Variants in SORCS3 observed in about 807,000 individuals in gnomAD.
The protein encoded by SORCS3 is sortilin related VPS10 domain containing receptor 3.
SORCS3 carries 57 observed loss-of-function variants against 146.3 expected under a neutral mutation model. That is an observed-to-expected ratio of 0.39 (90% CI 0.31 to 0.49). SORCS3 has a LOEUF of 0.49. Among genes scored for constraint, SORCS3 ranks in the 20% least tolerant of loss-of-function variants. The pLI, the probability that SORCS3 is intolerant of heterozygous loss-of-function variation, is 0.92. For synonymous variants in SORCS3, 653 were observed against 618.5 expected (o/e 1.06, Z -0.83); for missense variants, 1,341 against 1,575.5 (o/e 0.85, Z 2.52).
intron 3 of SORCS3, among the ~76,000 whole-genome samples, chr10:104,930,530 A>G (rs753422326): frequency 1.3e-5 from 2 of 152,190 alleles, no homozygotes; most frequent in Non-Finnish European, 2.9e-5. Flanking sequence ...CTGCCGAGAG[A>G]AGAAGTCACG....
At chr10:104,856,076 A>G (rs1274644030) in intron 2 of SORCS3, among the ~76,000 whole-genome samples, 1 of 152,134 alleles carries the variant, frequency 6.6e-6, no homozygotes, top group Non-Finnish European at 1.5e-5. Context: ...GCACGGTGCT[A>G]GGCGTTTTCT....
chr10:104,817,637 C>T lies in SORCS3; in HGVS notation c.628-25155C>T, dbSNP rs187055486. Among the ~76,000 whole-genome samples the T allele has an allele frequency of 5.6e-3, 341 of 61,166 alleles. 7 individuals are homozygous for T. The highest frequency in any genetic ancestry group is 0.016 in the African/African-American group (210 of 13,370). 40.1% of individuals were successfully genotyped at this position (61,166 alleles called of 152,430 possible). On this transcript the variant is annotated intron_variant, in intron 1 of 26. Coordinates refer to ENST00000369701, the MANE Select transcript of SORCS3 (RefSeq NM_014978.3). ...TTCCTCCTCTCCCTCCTTTTCTCCC[C>T]TCCACCTCCTCCTTCTCTCCCCTCC...
intron 1 of SORCS3, among the ~76,000 whole-genome samples, chr10:104,751,829 A>G (rs568527806): frequency 2.0e-5 from 3 of 149,624 alleles, no homozygotes; most frequent in Non-Finnish European, 4.5e-5. Context: ...CTCTCCCACA[A>G]TGACCTTGTA....
At chr10:104,751,886 T>C (rs2016987741) in intron 1 of SORCS3, among the ~76,000 whole-genome samples, 1 of 135,530 alleles carries the variant, frequency 7.4e-6, no homozygotes, top group African/African-American at 2.7e-5. Flanking sequence ...ATTAAGTTCT[T>C]ATATGCTCAC....
chr10:104,892,771 A>T (rs187701945), intron 2 of SORCS3, among the ~76,000 whole-genome samples: 212 of 152,258 alleles, frequency 1.4e-3, no homozygotes, highest in Middle Eastern at 0.014. Flanking sequence ...CAAGGTACTT[A>T]ATACATGTGA....
chr10:104,929,903 G>A (rs1349215130), intron 3 of SORCS3, among the ~76,000 whole-genome samples: 1 of 152,136 alleles, frequency 6.6e-6, no homozygotes, highest in African/African-American at 2.4e-5. Flanking sequence ...ATAGCCACAA[G>A]CATCAAGAAC....
intron 1 of SORCS3, among the ~76,000 whole-genome samples, chr10:104,803,268 T>G (rs1200353658): frequency 6.6e-6 from 1 of 152,092 alleles, no homozygotes; most frequent in Non-Finnish European, 1.5e-5. Flanking sequence ...TTGGTAGAAG[T>G]GGTTCTGTTT....
intron 1 of SORCS3, among the ~76,000 whole-genome samples, chr10:104,761,756 T>C (rs1564677622): frequency 6.6e-6 from 1 of 152,100 alleles, no homozygotes; most frequent in Non-Finnish European, 1.5e-5. Flanking sequence ...GGGGGCTGGA[T>C]GGACTGGTCT....
At chr10:105,260,783 G>C (rs2056956128) in intron 25 of SORCS3, among the ~76,000 whole-genome samples, 2 of 152,144 alleles carry the variant, frequency 1.3e-5, no homozygotes, top group Admixed American at 1.3e-4. Context: ...AGAGTTGCAT[G>C]GGATGTCCTG....
intron 1 of SORCS3, among the ~76,000 whole-genome samples, chr10:104,650,454 G>A (rs563371062): frequency 1.3e-5 from 2 of 152,156 alleles, no homozygotes; most frequent in Admixed American, 6.5e-5. Flanking sequence ...TCAATCCTGG[G>A]GGGGGCTGAT....
In SORCS3 at chr10:104,657,187, G is replaced by C. The variant is rs75860344; in HGVS notation, c.627+15233G>C. Reference sequence around the variant, plus strand: ...TCAGGAGGAGGATGAGAGACAACTAGTACATAGCCATTCCCAGCCAAGCCC... The same window carrying C: ...TCAGGAGGAGGATGAGAGACAACTACTACATAGCCATTCCCAGCCAAGCCC... On this transcript the variant is annotated intron_variant, in intron 1 of 26. Coordinates refer to ENST00000369701, the MANE Select transcript of SORCS3 (RefSeq NM_014978.3). 4.9e-3 allele frequency among the ~76,000 whole-genome samples: 739 copies of C among 152,230 alleles called. 5 individuals are homozygous for C. The highest frequency in any genetic ancestry group is 0.017 in the African/African-American group (711 of 41,518).
chr10:104,839,305 C>T (rs868579461), intron 1 of SORCS3, among the ~76,000 whole-genome samples: 26 of 152,184 alleles, frequency 1.7e-4, no homozygotes, highest in South Asian at 4.2e-4. Flanking sequence ...CAGGAGAGAA[C>T]ATTTTTGATG....
chr10:105,003,657 G>T (rs757958218), intron 4 of SORCS3, among the ~76,000 whole-genome samples: 1 of 152,130 alleles, frequency 6.6e-6, no homozygotes, highest in African/African-American at 2.4e-5. Flanking sequence ...TTCATTAATT[G>T]TGCTTTTCCA....
intron 1 of SORCS3, among the ~76,000 whole-genome samples, chr10:104,779,419 A>C (rs540535167): frequency 3.3e-5 from 5 of 152,346 alleles, no homozygotes; most frequent in African/African-American, 1.2e-4. Flanking sequence ...ATGAGAGGAC[A>C]CGTACACACA....
At chr10:105,008,844 A>G (rs2055113887) in intron 4 of SORCS3, among the ~76,000 whole-genome samples, 1 of 152,102 alleles carries the variant, frequency 6.6e-6, no homozygotes, top group Non-Finnish European at 1.5e-5. Context: ...ACAGGGTTTC[A>G]CCATGTTTCC....
chr10:104,862,153 T>C (rs759771305), intron 2 of SORCS3, among the ~76,000 whole-genome samples: 9 of 152,290 alleles, frequency 5.9e-5, no homozygotes, highest in East Asian at 5.8e-4. Context: ...AGTCATAACA[T>C]TGGGGAAGTG....
chr10:104,927,742 G>A (rs1204454116), intron 3 of SORCS3, among the ~76,000 whole-genome samples: 2 of 152,112 alleles, frequency 1.3e-5, no homozygotes, highest in African/African-American at 4.8e-5. Context: ...GCCAGGCGTG[G>A]TGGCGGGTGT....
chr10:104,986,527 TGGCGCA>T, intron 4 of SORCS3, among the ~76,000 whole-genome samples: 1 of 152,356 alleles, frequency 6.6e-6, no homozygotes, highest in East Asian at 1.9e-4. Context: ...TGTGGCTGTT[TGGCGCA>T]AGAGACTTCA....
intron 1 of SORCS3, among the ~76,000 whole-genome samples, chr10:104,673,504 C>A (rs1226378988): frequency 6.6e-6 from 1 of 152,006 alleles, no homozygotes; most frequent in Non-Finnish European, 1.5e-5. Context: ...CACTCTGTTG[C>A]CCAGGCTGGA....
Sources: gnomAD v4.1 joint callset for allele counts (sites outside exome capture counted in the v4.1 genomes callset) on GRCh38, gnomAD v4.1.1 for gene constraint, MANE v1.5 for transcripts, NCBI Gene and HGNC (gene_info 2026-07-23, HGNC 2026-07-21) for gene names.